The following CNTN5 variants were observed in gnomAD, a reference collection of about 807,000 sequenced individuals.
The protein encoded by CNTN5 is contactin 5, also known as contactin-5.
A neutral mutation model predicts 129.1 loss-of-function variants in CNTN5; 77 were observed. The ratio of observed to expected loss-of-function variants is 0.60; its 90% confidence interval spans 0.50 to 0.72. The LOEUF (loss-of-function observed/expected upper bound fraction) is 0.72, where lower values mean the gene tolerates loss of function less well. Ranked by LOEUF, CNTN5 falls within the 30% of genes least tolerant of loss-of-function variation. The pLI is 0.00. For missense variants in CNTN5, 1,478 were observed against 1,328.8 expected, an observed-to-expected ratio of 1.11 and a Z score of -1.75; for synonymous variants, 509 against 465.6, an observed-to-expected ratio of 1.09 and a Z score of -1.20.
At chr11:99,230,031 T>C (rs1860906227) in intron 1 of CNTN5, among the ~76,000 whole-genome samples, 1 of 152,138 alleles carries the variant, frequency 6.6e-6, no homozygotes, top group South Asian at 2.1e-4. Flanking sequence ...ATGCTTCCAT[T>C]GGAATTTTCC....
At chr11:99,283,724 T>TA (rs946288748) in intron 1 of CNTN5, among the ~76,000 whole-genome samples, 10 of 151,908 alleles carry the variant, frequency 6.6e-5, no homozygotes, top group African/African-American at 1.7e-4. Flanking sequence ...TGTGATCATA[T>TA]AAAAAAAAGA....
chr11:100,185,683 A>G (rs1948280038), intron 13 of CNTN5, among the ~76,000 whole-genome samples: 1 of 152,186 alleles, frequency 6.6e-6, no homozygotes, highest in Admixed American at 6.5e-5. Flanking sequence ...AAGTAATTAA[A>G]GTTAAATGTG....
chr11:100,068,238 A>AAAG (rs1943769766), intron 10 of CNTN5, among the ~76,000 whole-genome samples: 1 of 152,290 alleles, frequency 6.6e-6, no homozygotes, highest in South Asian at 2.1e-4. Flanking sequence ...CAACTAAAAT[A>AAAG]TTAAATAACA....
intron 4 of CNTN5, among the ~76,000 whole-genome samples, chr11:99,832,276 A>G (rs1337318851): frequency 3.9e-5 from 6 of 152,224 alleles, no homozygotes; most frequent in Non-Finnish European, 8.8e-5. Context: ...ATGCATTCCA[A>G]TATCCAATGG....
chr11:99,248,038 CTGACTACCACAG>C (rs1343616468), intron 1 of CNTN5, among the ~76,000 whole-genome samples: 3 of 152,226 alleles, frequency 2.0e-5, no homozygotes, highest in African/African-American at 4.8e-5. Flanking sequence ...AATCGCCACA[CTGACTACCACAG>C]TAGCTGAACT....
At chr11:99,835,629 G>T (rs1048224018) in intron 4 of CNTN5, among the ~76,000 whole-genome samples, 10 of 152,036 alleles carry the variant, frequency 6.6e-5, no homozygotes, top group Non-Finnish European at 1.3e-4. Context: ...CTTCTAGAAG[G>T]GTTAACATAG....
intron 9 of CNTN5, among the ~76,000 whole-genome samples, chr11:100,037,854 T>C (rs1032267014): frequency 1.3e-5 from 2 of 152,222 alleles, no homozygotes; most frequent in African/African-American, 2.4e-5. Flanking sequence ...TTGATTCTTC[T>C]CTCTTTTTTT....
At chr11:99,169,368 C>CTGTG (rs1455320256) in intron 1 of CNTN5, among the ~76,000 whole-genome samples, 1 of 73,560 alleles carries the variant, frequency 1.4e-5, no homozygotes, top group Non-Finnish European at 3.1e-5. Context: ...ATGCAATAAG[C>CTGTG]TATATGTGTG....
intron 1 of CNTN5, among the ~76,000 whole-genome samples, chr11:99,277,800 T>C (rs1413763623): frequency 1.3e-5 from 2 of 151,674 alleles, no homozygotes; most frequent in Non-Finnish European, 3.0e-5. Context: ...AATGGAGCCA[T>C]TTTAAGAACT....
At chr11:100,238,077 G>T (rs994469563) in intron 16 of CNTN5, among the ~76,000 whole-genome samples, 2 of 152,124 alleles carry the variant, frequency 1.3e-5, no homozygotes, top group African/African-American at 4.8e-5. Flanking sequence ...GAAAAGTAAA[G>T]GTGCATAAAT....
At chr11:99,951,625 C>T (rs1473151405) in intron 7 of CNTN5, among the ~76,000 whole-genome samples, 1 of 152,112 alleles carries the variant, frequency 6.6e-6, no homozygotes, top group African/African-American at 2.4e-5. Context: ...ATCTAACTTA[C>T]CTAGTAGAAT....
chr11:99,365,747 C>T (rs533850237), intron 2 of CNTN5, among the ~76,000 whole-genome samples: 37 of 152,022 alleles, frequency 2.4e-4, no homozygotes, highest in Admixed American at 7.9e-4. Context: ...GGAACTGAAA[C>T]GTAACAGTCT....
intron 1 of CNTN5, among the ~76,000 whole-genome samples, chr11:99,045,862 G>A (rs886088419): frequency 1.5e-4 from 23 of 152,168 alleles, no homozygotes; most frequent in African/African-American, 5.6e-4. Context: ...TGCCGTAGGT[G>A]AGTAGGTCTC....
At chr11:99,065,282 T>C (rs1865055617) in intron 1 of CNTN5, among the ~76,000 whole-genome samples, 1 of 152,156 alleles carries the variant, frequency 6.6e-6, no homozygotes, top group South Asian at 2.1e-4. Context: ...AATCTGACCA[T>C]ATTAGGAGCA....
At chr11:100,051,977 CAGTT>C (rs758679345) in intron 9 of CNTN5, among the ~76,000 whole-genome samples, 29 of 151,932 alleles carry the variant, frequency 1.9e-4, no homozygotes, top group African/African-American at 4.8e-4. Flanking sequence ...AATTGAGTCC[CAGTT>C]AGTTTCGTTG....
intron 3 of CNTN5, among the ~76,000 whole-genome samples, chr11:99,600,421 T>C (rs1417987258): frequency 6.6e-6 from 1 of 152,192 alleles, no homozygotes; most frequent in East Asian, 1.9e-4. Context: ...TAATGATTAT[T>C]TTACCTCATG....
chr11:99,847,544 A>AGGTACC, intron 6 of CNTN5, among the ~76,000 whole-genome samples: 1 of 152,314 alleles, frequency 6.6e-6, no homozygotes, highest in African/African-American at 2.4e-5. Context: ...CATACGCATA[A>AGGTACC]AAACCCACAA....
intron 2 of CNTN5, among the ~76,000 whole-genome samples, chr11:99,413,669 T>C (rs1372800835): frequency 1.3e-5 from 2 of 151,906 alleles, no homozygotes; most frequent in African/African-American, 4.8e-5. Context: ...ACAAAAAAGA[T>C]TTCACCAGAA....
chr11:99,919,508 C>T (rs1949881142), intron 7 of CNTN5, among the ~76,000 whole-genome samples: 1 of 152,130 alleles, frequency 6.6e-6, no homozygotes, highest in South Asian at 2.1e-4. Context: ...TTTATATACT[C>T]TATCCAATTC....
Sources: allele counts gnomAD v4.1 joint callset (sites outside exome capture counted in the v4.1 genomes callset), GRCh38; gene constraint gnomAD v4.1.1; transcripts MANE v1.5; gene names NCBI Gene and HGNC (gene_info 2026-07-23, HGNC 2026-07-21).